The following PLG variants were observed in gnomAD, a reference collection of about 807,000 sequenced individuals.
PLG encodes the protein plasmin.
In PLG, 41 loss-of-function variants were observed where a neutral mutation model predicts 104.4. The ratio of observed to expected loss-of-function variants is 0.39; its 90% CI spans 0.31 to 0.51. The LOEUF (loss-of-function observed/expected upper bound fraction) is 0.51. Ranked by LOEUF, PLG falls within the 20% of genes least tolerant of loss-of-function variation. PLG has a pLI of 0.76. For missense variants in PLG, 891 were observed against 1,003.6 expected (o/e 0.89, Z 1.52); for synonymous variants, 337 against 357.1 (o/e 0.94, Z 0.63).
At position 160,723,382 on chromosome 6, in the gene PLG, T is replaced by A. The variant is rs973479501; in HGVS notation, c.1256+815T>A. ...AGTACACAATATATGGAAAAAACTA[T>A]TTTTACATATTGGAGAACAGATAAA... On this transcript the variant is annotated intron_variant, in intron 10 of 18. Coordinates refer to ENST00000308192, the MANE Select transcript of PLG (RefSeq NM_000301.5). This position sits in a 1 kb window ranked among gnomAD's most constrained non-coding sequence, Gnocchi z 4.7. 1.3e-5 allele frequency among the ~76,000 whole-genome samples: 2 copies of A among 152,132 alleles called. No individual in the cohort carries two copies. Among genetic ancestry groups the A allele is most frequent in the African/African-American group, 4.8e-5 (2 of 41,412 alleles).
At chr6:160,748,374 A>AGAGAGAGAG (rs1778320766) in intron 17 of PLG, among the ~76,000 whole-genome samples, 14 of 55,366 alleles carry the variant, frequency 2.5e-4, no homozygotes, top group Non-Finnish European at 3.2e-4. Context: ...GAAAGAAAGA[A>AGAGAGAGAG]AGAAAGAAAG....
chr6:160,736,782 G>T lies in PLG; in HGVS notation c.1682-105G>T. 7.1e-7 allele frequency: 1 copy of T among 1,413,210 alleles called. No homozygotes were observed. Among genetic ancestry groups the T allele is most frequent in the Non-Finnish European group, 1.0e-6 (1 of 1,004,016 alleles). The allele number at this position is 1,413,210 out of a possible 1,614,324, so 87.5% of individuals were successfully genotyped here. On this transcript the variant is annotated intron_variant, in intron 13 of 18. Transcript: ENST00000308192. The surrounding 1 kb of genome is among the most constrained non-coding windows in gnomAD (Gnocchi z 5.2). ...AGATGATGATTTTACTATTTAGTTCGGCCTTTAAGATGTCAAAAACTCAGT... is the reference window on the plus strand; with the variant it reads ...AGATGATGATTTTACTATTTAGTTCTGCCTTTAAGATGTCAAAAACTCAGT...
chr6:160,716,824 G>T (rs190498540), intron 7 of PLG, 61 bp downstream of exon 7: 1 of 998,292 alleles, frequency 1.0e-6, no homozygotes, highest in African/African-American at 1.6e-5. Flanking sequence ...GAAATCAAAA[G>T]AAAACATGTG....
At chr6:160,722,192 T>G (rs1419063059) in intron 9 of PLG, among the ~76,000 whole-genome samples, 1 of 152,238 alleles carries the variant, frequency 6.6e-6, no homozygotes, top group Non-Finnish European at 1.5e-5. Flanking sequence ...GTACTCTATC[T>G]GTTCTTTCAC....
intron 5 of PLG, chr6:160,713,423 C>G (rs946288441): frequency 5.5e-6 from 2 of 362,846 alleles, no homozygotes; most frequent in Non-Finnish European, 1.1e-5. Flanking sequence ...GCATGTGCCA[C>G]CATGCCTGGC....
At chr6:160,718,150 G>A in intron 7 of PLG, 144 bp from the exon 8 acceptor site, 2 of 712,734 alleles carry the variant, frequency 2.8e-6, no homozygotes, top group South Asian at 3.0e-5. Flanking sequence ...TACTCGGGAG[G>A]CTGAGGCAGG....
rs564766863 is a variant in PLG at position 160,724,375 on chromosome 6, A to G, written c.1256+1808A>G. Among the ~76,000 whole-genome samples the G allele has an allele frequency of 1.3e-3, 205 of 152,288 alleles. 1 individual carries two copies. Among genetic ancestry groups the G allele is most frequent in the African/African-American group, 4.9e-3 (203 of 41,584 alleles). On this transcript the variant is annotated intron_variant, in intron 10 of 18. Coordinates refer to ENST00000308192, the MANE Select transcript of PLG (RefSeq NM_000301.5). This position sits in a 1 kb window ranked among gnomAD's most constrained non-coding sequence, Gnocchi z 5.0. ...TCAGGTTAGACATTACAGAAGAAAA[A>G]GTTAACTAGAAAATAATTCAATAGA...
chr6:160,736,673 T>A lies in PLG; in HGVS notation c.1682-214T>A, dbSNP rs1483743145. On this transcript the variant is annotated intron_variant, in intron 13 of 18. Coordinates refer to ENST00000308192, the MANE Select transcript of PLG (RefSeq NM_000301.5). The surrounding 1 kb of genome is among the most constrained non-coding windows in gnomAD (Gnocchi z 5.2). ...TTTGATCACTTCTCCAACAAAATAA[T>A]TACAAAGTGCTTATATTTTCTTGAA... 1.3e-5 allele frequency among the ~76,000 whole-genome samples: 2 copies of A among 152,178 alleles called. No individual in the cohort carries two copies. The highest frequency in any genetic ancestry group is 4.8e-5 in the African/African-American group (2 of 41,444).
In PLG at chr6:160,732,226, C is replaced by G. The variant is rs1271798933; in HGVS notation, c.1587+333C>G. Among the ~76,000 whole-genome samples, 1 of 151,946 alleles carries G rather than the reference C, an allele frequency of 6.6e-6. No individual in the cohort carries two copies. Among genetic ancestry groups the G allele is most frequent in the South Asian group, 2.1e-4 (1 of 4,808 alleles). On this transcript the variant is annotated intron_variant, in intron 12 of 18. Transcript: ENST00000308192. This position sits in a 1 kb window ranked among gnomAD's most constrained non-coding sequence, Gnocchi z 4.5. ...GCTAGGTTCCAGTAATCAAAGATGC[C>G]CTTTATGAAATTTAAGTCAGATTTT... is the stretch of plus-strand genomic sequence containing the variant.
chr6:160,752,211 C>T lies in PLG; in HGVS notation c.2222C>T (p.Ser741Phe). 6.2e-7 allele frequency: 1 copy of T among 1,613,492 alleles called. No individual in the cohort carries two copies. The change falls in exon 18 of 19, where the codon TCC (serine) becomes TTC (phenylalanine). Residue 741 changes from serine (S) to phenylalanine (F), a missense_variant. Ser to Phe is a radical substitution (Grantham distance 155). Transcript: ENST00000308192. The surrounding 1 kb of genome is among the most constrained non-coding windows in gnomAD (Gnocchi z 4.7). ...GAGTTTCTGAATGGAAGAGTCCAAT[C>T]CACCGAACTCTGTGCTGGGCATTTG... ...RYEFLNGRVQ[S>F]TELCAGHLAG...
chr6:160,738,314 T>C lies in PLG; in HGVS notation c.1803-224T>C. On this transcript the variant is annotated intron_variant, in intron 14 of 18. Transcript: ENST00000308192. This position sits in a 1 kb window ranked among gnomAD's most constrained non-coding sequence, Gnocchi z 6.8. ...CCTGTGGACAGGCCATGCCTGTGCC[T>C]CCCCCAAGCATCGGAAAAATTGGCA... is the stretch of plus-strand genomic sequence containing the variant. 1.8e-6 allele frequency: 1 copy of C among 555,872 alleles called. No individual in the cohort carries two copies. Among genetic ancestry groups the C allele is most frequent in the South Asian group, 1.8e-5 (1 of 54,332 alleles). The allele number at this position is 555,872 out of a possible 1,614,324, so 34.4% of individuals were successfully genotyped here.
chr6:160,703,982 C>T (rs978268590), intron 1 of PLG, among the ~76,000 whole-genome samples: 3 of 152,212 alleles, frequency 2.0e-5, no homozygotes, highest in Admixed American at 1.3e-4. Flanking sequence ...AGTGGAGAAA[C>T]ATCTTCCATT....
rs1365710824 is a variant in PLG, at chr6:160,737,108, C to G, written c.1802+101C>G. On this transcript the variant is annotated intron_variant, in intron 14 of 18. Coordinates refer to ENST00000308192, the MANE Select transcript of PLG (RefSeq NM_000301.5). This position sits in a 1 kb window ranked among gnomAD's most constrained non-coding sequence, Gnocchi z 4.7. ...ATCCACACAGCTGAGGCATCAGCAC[C>G]TGCCTCTAAGTTTTCTGAAGGAGGA... 1.3e-6 allele frequency: 2 copies of G among 1,482,680 alleles called. No homozygotes were observed. The highest frequency in any genetic ancestry group is 9.3e-7 in the Non-Finnish European group (1 of 1,078,882). The allele number at this position is 1,482,680 out of a possible 1,614,324, so 91.8% of individuals were successfully genotyped here.
intron 1 of PLG, among the ~76,000 whole-genome samples, chr6:160,703,100 A>T (rs1186028683): frequency 1.3e-5 from 2 of 152,078 alleles, no homozygotes; most frequent in African/African-American, 2.4e-5. Context: ...AATCAGACTT[A>T]GGAATATCAT....
At chr6:160,748,401 G>GAAAGAGAGAAAGA (rs1562383473) in intron 17 of PLG, among the ~76,000 whole-genome samples, 1 of 71,040 alleles carries the variant, frequency 1.4e-5, no homozygotes, top group South Asian at 6.5e-4. Context: ...AGAAAGAAAG[G>GAAAGAGAGAAAGA]AAGAAAGAAA....
chr6:160,742,085 A>G (rs1383948721), intron 17 of PLG, among the ~76,000 whole-genome samples: 3 of 152,188 alleles, frequency 2.0e-5, no homozygotes, highest in Non-Finnish European at 4.4e-5. Context: ...AGGTGATTCC[A>G]TGTCTTTGCT....
chr6:160,704,718 G>A (rs530400693), intron 1 of PLG, among the ~76,000 whole-genome samples: 35 of 152,216 alleles, frequency 2.3e-4, no homozygotes, highest in Non-Finnish European at 3.5e-4. Flanking sequence ...CATTTTTCCA[G>A]CCCGGAATGT....
intron 9 of PLG, among the ~76,000 whole-genome samples, chr6:160,721,579 G>C (rs987549240): frequency 6.6e-5 from 10 of 152,218 alleles, no homozygotes; most frequent in African/African-American, 2.4e-4. Flanking sequence ...AGCAGTCACT[G>C]CATGCCTGCA....
chr6:160,712,013 C>A, intron 4 of PLG: 1 of 832,736 alleles, frequency 1.2e-6, no homozygotes, highest in South Asian at 2.2e-5. Flanking sequence ...TTGTTACTCA[C>A]CTTTATCCAT....
Sources: gnomAD v4.1 joint callset for allele counts (sites outside exome capture counted in the v4.1 genomes callset) on GRCh38, gnomAD v4.1.1 for gene constraint, Gnocchi (gnomAD v3.1) non-coding constraint, MANE v1.5 for transcripts, NCBI Gene and HGNC (gene_info 2026-07-23, HGNC 2026-07-21) for gene names.